The following PREP variants were observed in gnomAD, a reference collection of about 807,000 sequenced individuals.
PREP encodes the protein prolyl endopeptidase.
Under a neutral mutation model 87.6 loss-of-function variants are expected in PREP, and 29 were observed. The ratio of observed to expected loss-of-function variants is 0.33; its 90% CI spans 0.25 to 0.45. The LOEUF (loss-of-function observed/expected upper bound fraction) is 0.45. Among genes scored for constraint, PREP ranks in the 20% least tolerant of loss-of-function variants. The probability of loss-of-function intolerance (pLI) is 1.00; values close to 1 mark genes in which losing one functional copy is unlikely to be tolerated. For synonymous variants in PREP, 337 were observed against 328.6 expected, an observed-to-expected ratio of 1.03 and a Z score of -0.28; for missense variants, 695 against 886.5, an observed-to-expected ratio of 0.78 and a Z score of 2.74.
intron 8 of PREP, among the ~76,000 whole-genome samples, chr6:105,329,602 T>C (rs963559351): frequency 2.0e-5 from 3 of 152,254 alleles, no homozygotes; most frequent in African/African-American, 7.2e-5. Flanking sequence ...CTTCCTATTT[T>C]GTGCCTATTA....
intron 14 of PREP, among the ~76,000 whole-genome samples, chr6:105,279,788 T>C: frequency 6.6e-6 from 1 of 152,128 alleles, no homozygotes; most frequent in Non-Finnish European, 1.5e-5. Context: ...TGGAGAAAAA[T>C]ATTTAGAACT....
intron 2 of PREP, among the ~76,000 whole-genome samples, chr6:105,378,320 G>T (rs571444851): frequency 3.3e-5 from 5 of 152,142 alleles, no homozygotes; most frequent in Admixed American, 6.5e-5. Flanking sequence ...TTTGTCAGGC[G>T]TGGTGGTGGG....
At chr6:105,323,908 C>A in intron 9 of PREP, 140 bp from the exon 10 acceptor site, 3 of 713,362 alleles carry the variant, frequency 4.2e-6, no homozygotes, top group African/African-American at 1.8e-5. Flanking sequence ...CCACCACAGT[C>A]GAAGGCTCAC....
At chr6:105,348,390 G>A (rs1260941688) in intron 7 of PREP, among the ~76,000 whole-genome samples, 1 of 152,208 alleles carries the variant, frequency 6.6e-6, no homozygotes, top group African/African-American at 2.4e-5. Context: ...TTCGAGACAA[G>A]CTGGTACACA....
At chr6:105,394,097 A>T (rs1562229508) in intron 2 of PREP, among the ~76,000 whole-genome samples, 2 of 152,216 alleles carry the variant, frequency 1.3e-5, no homozygotes, top group Non-Finnish European at 2.9e-5. Context: ...GTTGTAAGGA[A>T]CATAAAAACA....
chr6:105,292,763 C>T (rs72944164), intron 10 of PREP, among the ~76,000 whole-genome samples: 15,566 of 152,276 alleles, frequency 0.1, 943 homozygotes, highest in African/African-American at 0.15. Context: ...GTGTATCCAC[C>T]TTCAACAGTG....
Position 105,379,683 on chromosome 6 carries a change from G to T in PREP, c.121-2164C>A, listed in dbSNP as rs187804916. 2.1e-3 allele frequency among the ~76,000 whole-genome samples: 325 copies of T among 152,318 alleles called. 1 individual carries two copies. Among genetic ancestry groups the T allele is most frequent in the African/African-American group, 7.2e-3 (299 of 41,582 alleles). ...TATGATTTTCTTCTGCATGAACTGG[G>T]CTGTGCTGGGTAGGAACATCAGGGA... is the stretch of plus-strand genomic sequence containing the variant. On this transcript the variant is annotated intron_variant, in intron 2 of 14. Transcript: ENST00000652536.
chr6:105,302,134 C>T (rs189338572), intron 10 of PREP, among the ~76,000 whole-genome samples: 1 of 152,314 alleles, frequency 6.6e-6, no homozygotes, highest in East Asian at 1.9e-4. Flanking sequence ...TGAAGACACA[C>T]AATCAGACAT....
chr6:105,317,785 G>A (rs1174427097), intron 10 of PREP, among the ~76,000 whole-genome samples: 2 of 152,152 alleles, frequency 1.3e-5, no homozygotes, highest in African/African-American at 2.4e-5. Flanking sequence ...CTTCCTCACC[G>A]TGCCAGGCAA....
rs1241085400 is a variant in PREP at position 105,275,531 on chromosome 6, T to TA, written c.*2612dup. ...AACTTTTTCTTTTTCAAAACAGTCC[T>TA]AAAAAAACTAAACATATAAGTCCTC... On this transcript the variant is annotated 3_prime_UTR_variant, in exon 15 of 15. Coordinates refer to ENST00000652536, the MANE Select transcript of PREP (RefSeq NM_002726.5). Among the ~76,000 whole-genome samples the TA allele has an allele frequency of 1.3e-5, 2 of 152,084 alleles. No homozygotes were observed. Among genetic ancestry groups the TA allele is most frequent in the African/African-American group, 2.4e-5 (1 of 41,416 alleles).
At position 105,327,663 on chromosome 6, in the gene PREP, C is replaced by T. The variant is rs185171158; in HGVS notation, c.1213+1166G>A. Among the ~76,000 whole-genome samples, 354 of 152,324 alleles carry T rather than the reference C, an allele frequency of 2.3e-3. 3 individuals carry two copies. Among genetic ancestry groups the T allele is most frequent in the Admixed American group, 1.4e-3 (21 of 15,306 alleles). On this transcript the variant is annotated intron_variant, in intron 9 of 14. Transcript: ENST00000652536. ...CAGGGCCACTTGAGCACCTGCCTTG[C>T]TCTCCCCTAAGACTGCTTTTTTTGT...
At position 105,274,155 on chromosome 6, in the gene PREP, C is replaced by A. The variant is rs1035596343; in HGVS notation, c.*3989G>T. On this transcript the variant is annotated 3_prime_UTR_variant, in exon 15 of 15. Coordinates refer to ENST00000652536, the MANE Select transcript of PREP (RefSeq NM_002726.5). Reference sequence around the variant, plus strand: ...ATACCATAAACTGGTGGGTTGTCAACAACAGAAATTGCTCTCTCACAGTCC... The same window carrying A: ...ATACCATAAACTGGTGGGTTGTCAAAAACAGAAATTGCTCTCTCACAGTCC... Among the ~76,000 whole-genome samples the A allele has an allele frequency of 6.6e-6, 1 of 152,136 alleles. No individual in the cohort carries two copies. Among genetic ancestry groups the A allele is most frequent in the Non-Finnish European group, 1.5e-5 (1 of 68,030 alleles).
chr6:105,302,853 C>A, intron 10 of PREP: 1 of 340,848 alleles, frequency 2.9e-6, no homozygotes, highest in Non-Finnish European at 5.7e-6. Flanking sequence ...GCCGCCTGCT[C>A]CGAGGGCTAA....
chr6:105,302,600 C>A, intron 10 of PREP: 1 of 439,280 alleles, frequency 2.3e-6, no homozygotes, highest in Non-Finnish European at 4.5e-6. Flanking sequence ...GTACCTCTTG[C>A]CCTTGTAGAA....
At chr6:105,282,759 TATC>T (rs778134179) in intron 12 of PREP, among the ~76,000 whole-genome samples, 177 bp from the exon 13 acceptor site, 8 of 152,364 alleles carry the variant, frequency 5.3e-5, no homozygotes, top group Non-Finnish European at 1.0e-4. Flanking sequence ...TGTGGAAATA[TATC>T]ATCAATACCA....
intron 2 of PREP, among the ~76,000 whole-genome samples, chr6:105,381,410 T>G (rs1460982924): frequency 6.6e-6 from 1 of 151,494 alleles, no homozygotes; most frequent in Non-Finnish European, 1.5e-5. Context: ...TCTTGGTTGA[T>G]CTAAATATTA....
chr6:105,391,034 T>TACACACACACACAC (rs59538588), intron 2 of PREP, among the ~76,000 whole-genome samples: 1,945 of 141,360 alleles, frequency 0.014, 49 homozygotes, highest in African/African-American at 0.052. Context: ...TCTGGTTTTA[T>TACACACACACACAC]ACACACACAC....
rs9500085 is a variant in PREP, at chr6:105,352,973, C to A, written c.822G>T (p.Ala274=). ...TCTGTGTCTGAAAAAATAACTCACC[C>A]GCGATGCCACTGGATTCCTGCTGTA... ...CDLQQESSGI[A]GILKWVKLID... Residue 274 remains alanine (A), a splice_region_variant and synonymous_variant, in exon 7 of 15, where the codon GCG becomes GCT. Coordinates refer to ENST00000652536, the MANE Select transcript of PREP (RefSeq NM_002726.5). The A allele has an allele frequency of 4.9e-4, 784 of 1,610,628 alleles. 2 individuals are homozygous for A. In the African/African-American group the frequency reaches 9.1e-3, roughly 19 times the overall value.
At chr6:105,384,076 G>A (rs1330979704) in intron 2 of PREP, among the ~76,000 whole-genome samples, 3 of 152,176 alleles carry the variant, frequency 2.0e-5, no homozygotes, top group African/African-American at 7.2e-5. Context: ...TGTTGGAGTT[G>A]ACATCTATTT....
Sources: gnomAD v4.1 joint callset for allele counts (sites outside exome capture counted in the v4.1 genomes callset) on GRCh38, gnomAD v4.1.1 for gene constraint, MANE v1.5 for transcripts, NCBI Gene and HGNC (gene_info 2026-07-23, HGNC 2026-07-21) for gene names.